PKP3: variants seen among roughly 807,000 people sequenced by gnomAD.
The protein encoded by PKP3 is plakophilin-3.
A neutral mutation model predicts 76.5 loss-of-function variants in PKP3; 66 were observed. The observed-to-expected ratio is 0.86, with a 90% CI of 0.71 to 1.06. The LOEUF (loss-of-function observed/expected upper bound fraction) is 1.06. Among genes scored for constraint, PKP3 ranks in the 50% least tolerant of loss-of-function variants. The pLI is 0.00. For missense variants in PKP3, 1,338 were observed against 1,141.0 expected, an observed-to-expected ratio of 1.17 and a Z score of -2.49; for synonymous variants, 638 against 516.5, an observed-to-expected ratio of 1.24 and a Z score of -3.19.
At position 403,258 on chromosome 11, in the gene PKP3, C is replaced by G; in HGVS notation, c.1918C>G (p.Arg640Gly). 1.3e-6 allele frequency: 2 copies of G among 1,575,008 alleles called. No individual in the cohort carries two copies. The highest frequency in any genetic ancestry group is 2.3e-5 in the South Asian group (2 of 87,616). Residue 640 changes from arginine (R) to glycine (G), a missense_variant, in exon 9 of 13, where the codon CGC becomes GGC. Physicochemically the swap from Arg to Gly is moderately radical, Grantham distance 125. Transcript: ENST00000331563. The stretch of plus-strand genomic sequence containing the variant: ...GCTGCAGAACATCACGGCAGGCGAC[C>G]GCAGGGTGGGGCACCCAACCCAGAC... ...GALQNITAGD[R>G]RWAGVLSRLA...
In PKP3 at chr11:394,378, A is replaced by G; in HGVS notation, c.86A>G (p.Asp29Gly). Reference sequence around the variant, plus strand: ...GCGCTGCCCTCTGACCTGCAGCTGGACCGCCGGGGCGCCGAGGGGCCGGAG... The same window carrying G: ...GCGCTGCCCTCTGACCTGCAGCTGGGCCGCCGGGGCGCCGAGGGGCCGGAG... ...SLALPSDLQL[D>G]RRGAEGPEAE... The change falls in exon 1 of 13, where the codon GAC becomes GGC. Residue 29 changes from aspartate to glycine, a missense_variant. Asp to Gly is a moderately conservative substitution (Grantham distance 94). Coordinates refer to ENST00000331563, the MANE Select transcript of PKP3 (RefSeq NM_007183.4). The G allele has an allele frequency of 6.7e-7, 1 of 1,496,678 alleles. No homozygotes were observed. The highest frequency in any genetic ancestry group is 8.8e-7 in the Non-Finnish European group (1 of 1,130,948). 92.7% of individuals were successfully genotyped at this position (1,496,678 alleles called of 1,614,324 possible). A position where few individuals can be genotyped will look rare whatever the true frequency, so the allele number is the denominator to read the frequency against.
At chr11:392,617 C>A (rs1454058485), upstream of PKP3, 1 of 1,282,808 alleles carries the variant, frequency 7.8e-7, no homozygotes, top group African/African-American at 1.5e-5. Context: ...CCCGCACGCG[C>A]CGGGCCAGGG....
At chr11:396,474 G>T in intron 1 of PKP3, 134 bp from the exon 2 acceptor site, 1 of 602,354 alleles carries the variant, frequency 1.7e-6, no homozygotes. Flanking sequence ...TGGCCCTGGT[G>T]CCCCCCTGGC....
At chr11:399,301 GC>G (rs1765792640) in intron 5 of PKP3, 105 bp downstream of exon 5, 7 of 363,214 alleles carry the variant, frequency 1.9e-5, no homozygotes, top group Admixed American at 6.7e-5. Context: ...CCCACCATCT[GC>G]CCCCCTTCTC....
rs138662102 is a variant in PKP3 at position 397,642 on chromosome 11, G to A, written c.1048G>A (p.Asp350Asn). 6.2e-6 allele frequency: 10 copies of A among 1,611,220 alleles called. No individual in the cohort carries two copies. The highest frequency in any genetic ancestry group is 1.3e-5 in the African/African-American group (1 of 74,782). ...CTACATCCAGCACAAGTGCTACAGC[G>A]ATGCAGCCGCCAAGAAGCAGGTGAC... ...AAYIQHKCYS[D>N]AAAKKQARSL... Residue 350 changes from aspartate to asparagine, a missense_variant, in exon 4 of 13, where the codon GAT becomes AAT. Transcript: ENST00000331563.
chr11:396,258 G>A (rs2133595004), intron 1 of PKP3: 1 of 257,870 alleles, frequency 3.9e-6, no homozygotes, highest in Non-Finnish European at 7.4e-6. Context: ...TGGCTTCCTG[G>A]AGGAGGCTGG....
chr11:394,552 G>T, intron 1 of PKP3, 28 bp downstream of exon 1: 2 of 1,352,604 alleles, frequency 1.5e-6, no homozygotes, highest in Non-Finnish European at 1.9e-6. Context: ...CGGCGGGGAT[G>T]GCGGTGGCGG....
Position 404,310 on chromosome 11 carries a change from G to GT in PKP3, c.2346dup (p.Asp783Ter). The GT allele has an allele frequency of 6.2e-7, 1 of 1,612,356 alleles. No homozygotes were observed. The highest frequency in any genetic ancestry group is 8.5e-7 in the Non-Finnish European group (1 of 1,179,630). On this transcript the variant is annotated frameshift_variant, in exon 12 of 13. Transcript: ENST00000331563. LOFTEE classifies it high-confidence loss of function. The surrounding 1 kb of genome is among the most constrained non-coding windows in gnomAD (Gnocchi z 4.2). ...CTGTGGCAGTACAACAAGCTCCACCGTGACTTCCGGGCGGTACGTTTCCCG... is the reference window on the plus strand; with the variant it reads ...CTGTGGCAGTACAACAAGCTCCACCGTTGACTTCCGGGCGGTACGTTTCCCG...
chr11:396,267 G>A (rs922642440), intron 1 of PKP3: 5 of 279,158 alleles, frequency 1.8e-5, no homozygotes, highest in Non-Finnish European at 3.4e-5. Flanking sequence ...GGAGGAGGCT[G>A]GGCACTGTAC....
In PKP3 at chr11:396,667, C is replaced by T. The variant is rs373361460; in HGVS notation, c.292C>T (p.Leu98=). 25 of 1,611,242 alleles carry T rather than the reference C, an allele frequency of 1.6e-5. No individual in the cohort carries two copies. Among genetic ancestry groups the T allele is most frequent in the Non-Finnish European group, 2.1e-5 (25 of 1,179,216 alleles). ...QAGFSSRSQG[L]SGDKTSGFRP... ...TGGCTTCAGCTCTCGCTCTCAGGGCCTGAGTGGGGACAAGACCTCGGTGAG... is the reference window on the plus strand; with the variant it reads ...TGGCTTCAGCTCTCGCTCTCAGGGCTTGAGTGGGGACAAGACCTCGGTGAG... The change falls in exon 2 of 13, where the codon CTG becomes TTG. Residue 98 remains leucine, a synonymous_variant. Transcript: ENST00000331563.
At chr11:396,583 G>A in intron 1 of PKP3, 25 bp from the exon 2 acceptor site, 1 of 1,550,264 alleles carries the variant, frequency 6.5e-7, no homozygotes, top group Non-Finnish European at 8.8e-7. Flanking sequence ...TGGCAGAGCT[G>A]GGCTACCACC....
Position 397,446 on chromosome 11 carries a change from G to GT in PKP3, c.944+2dup. On this transcript the variant is annotated splice_donor_variant, in intron 3 of 12. Transcript: ENST00000331563. LOFTEE classifies it high-confidence loss of function. ...GAACCCTGCAGAGACTCAGCAGCGGGTGAGCGGCTGGGCCCGGCTCAGGGA... is the reference window on the plus strand; with the variant it reads ...GAACCCTGCAGAGACTCAGCAGCGGGTTGAGCGGCTGGGCCCGGCTCAGGGA... The GT allele has an allele frequency of 6.2e-7, 1 of 1,612,192 alleles. No individual in the cohort carries two copies. The highest frequency in any genetic ancestry group is 8.5e-7 in the Non-Finnish European group (1 of 1,179,670).
At chr11:393,373 C>T (rs1050979391), upstream of PKP3, 10 of 152,238 alleles carry the variant, frequency 6.6e-5, no homozygotes, top group African/African-American at 2.4e-5. Context: ...TGCAGGCCCT[C>T]TGAGTCAACC....
intron 1 of PKP3, 136 bp downstream of exon 1, chr11:394,660 G>A (rs1348413736): frequency 1.8e-5 from 12 of 653,514 alleles, no homozygotes; most frequent in Non-Finnish European, 2.5e-5. Context: ...CACACACCCC[G>A]CCCCAGGGGC....
rs755438981 is a variant in PKP3 at position 404,561 on chromosome 11, G to T, written c.2386G>T (p.Gly796Cys). ...GGGCTATCGGAAGGAGGACTTCCTG[G>T]GCCCATAGGTGAAGCCTTCTGGAGG... ...AKGYRKEDFL[G>C]P Residue 796 changes from glycine (G) to cysteine (C), a missense_variant, in exon 13 of 13, where the codon GGC becomes TGC. Physicochemically the swap from Gly to Cys is radical, Grantham distance 159. Transcript: ENST00000331563. The surrounding 1 kb of genome is among the most constrained non-coding windows in gnomAD (Gnocchi z 4.2). 5 of 1,612,526 alleles carry T rather than the reference G, an allele frequency of 3.1e-6. No homozygotes were observed. The South Asian group carries it at 5.5e-5, about 18-fold the overall frequency.
chr11:395,699 TC>T (rs1201844837), intron 1 of PKP3, among the ~76,000 whole-genome samples: 4 of 152,004 alleles, frequency 2.6e-5, no homozygotes, highest in Admixed American at 2.0e-4. Flanking sequence ...CATGGGGGTG[TC>T]CCCCACAGAG....
intron 1 of PKP3, chr11:396,228 T>C (rs184262861): frequency 4.5e-6 from 1 of 221,596 alleles, no homozygotes. Context: ...GGAGTCAGTG[T>C]GGGCCGGGGC....
At position 397,305 on chromosome 11, in the gene PKP3, G is replaced by A. The variant is rs764964758; in HGVS notation, c.804G>A (p.Pro268=). The A allele has an allele frequency of 1.8e-5, 29 of 1,590,062 alleles. 1 individual carries two copies. The highest frequency in any genetic ancestry group is 1.3e-4 in the South Asian group (12 of 89,236). Residue 268 remains proline, a synonymous_variant, in exon 3 of 13, where the codon CCG becomes CCA. Coordinates refer to ENST00000331563, the MANE Select transcript of PKP3 (RefSeq NM_007183.4). ...GCCGCGGGGTAGGCGGGGCAGTGCC[G>A]GGGGCCGTCCTGGAGCCAGTGGCTC... ...HRSRGVGGAV[P]GAVLEPVARA... is the part of the protein sequence containing the mutation.
At position 397,377 on chromosome 11, in the gene PKP3, C is replaced by T; in HGVS notation, c.876C>T (p.Gly292=). 2 of 1,607,928 alleles carry T rather than the reference C, an allele frequency of 1.2e-6. No individual in the cohort carries two copies. Among genetic ancestry groups the T allele is most frequent in the South Asian group, 1.1e-5 (1 of 90,672 alleles). ...TCAGCCTCAGCCTGGCTGACTCGGGCCACCTGCCGGACGTGCATGGGTTCA... is the reference window on the plus strand; with the variant it reads ...TCAGCCTCAGCCTGGCTGACTCGGGTCACCTGCCGGACGTGCATGGGTTCA... ...RSLSLSLADS[G]HLPDVHGFNS... The change falls in exon 3 of 13, where the codon GGC becomes GGT. Residue 292 remains glycine, a synonymous_variant. Transcript: ENST00000331563.
Sources: allele counts gnomAD v4.1 joint callset (sites outside exome capture counted in the v4.1 genomes callset), GRCh38; gene constraint gnomAD v4.1.1; non-coding constraint Gnocchi (gnomAD v3.1); transcripts MANE v1.5; gene names NCBI Gene and HGNC (gene_info 2026-07-23, HGNC 2026-07-21).